The following CCDC146 variants were observed in gnomAD, a reference collection of about 807,000 sequenced individuals.
CCDC146 encodes the protein coiled-coil domain containing 146, also known as coiled-coil domain-containing protein 146.
A neutral mutation model predicts 119.3 loss-of-function variants in CCDC146; 92 were observed. That is an observed-to-expected ratio of 0.77 (90% confidence interval 0.65 to 0.92). The LOEUF (loss-of-function observed/expected upper bound fraction) is 0.92, where lower values mean the gene tolerates loss of function less well. CCDC146 is among the 40% of genes least tolerant of loss of function. The pLI is 0.00. For synonymous variants in CCDC146, 372 were observed against 371.8 expected (o/e 1.00, Z -0.01); for missense variants, 1,000 against 1,103.0 (o/e 0.91, Z 1.32).
chr7:77,237,998 CT>C (rs1426913136), intron 3 of CCDC146, among the ~76,000 whole-genome samples: 2 of 152,212 alleles, frequency 1.3e-5, no homozygotes, highest in Non-Finnish European at 2.9e-5. Flanking sequence ...TTCCCAATCA[CT>C]TCCCCTCCTT....
At chr7:77,163,860 CTTT>C (rs530810388) in intron 1 of CCDC146, among the ~76,000 whole-genome samples, 7 of 110,028 alleles carry the variant, frequency 6.4e-5, no homozygotes, top group African/African-American at 1.1e-4. Context: ...TCTTTTTTTT[CTTT>C]TTTTTTTTTT....
intron 11 of CCDC146, among the ~76,000 whole-genome samples, chr7:77,278,435 A>ATTTTTTTTTTTTTTTTTTTTTTTT (rs140968354): frequency 9.7e-6 from 1 of 103,342 alleles, no homozygotes; most frequent in Non-Finnish European, 1.8e-5. Flanking sequence ...CCAAGAAATA[A>ATTTTTTTTTTTTTTTTTTTTTTTT]TTTTTTTTTT....
intron 2 of CCDC146, among the ~76,000 whole-genome samples, chr7:77,203,107 A>C (rs1008319630): frequency 1.4e-5 from 2 of 140,558 alleles, no homozygotes; most frequent in African/African-American, 5.1e-5. Flanking sequence ...TTTAGGTGAG[A>C]GCTAGTAGTG....
intron 7 of CCDC146, chr7:77,259,422 A>C (rs185564363): frequency 3.5e-4 from 66 of 188,914 alleles, no homozygotes; most frequent in African/African-American, 1.4e-3. Flanking sequence ...AGCAGCCCAA[A>C]GCCCAAATAA....
intron 1 of CCDC146, among the ~76,000 whole-genome samples, chr7:77,166,330 T>C (rs989408219): frequency 6.6e-6 from 1 of 152,188 alleles, no homozygotes; most frequent in African/African-American, 2.4e-5. Flanking sequence ...ATCAGAAATT[T>C]ATCTAAATGT....
At chr7:77,210,158 T>C (rs528139466) in intron 2 of CCDC146, among the ~76,000 whole-genome samples, 1 of 152,358 alleles carries the variant, frequency 6.6e-6, no homozygotes, top group South Asian at 2.1e-4. Flanking sequence ...ACCTTTATGC[T>C]CTTCTTCCCT....
intron 2 of CCDC146, chr7:77,199,682 C>T (rs1163082321): frequency 1.2e-6 from 2 of 1,614,090 alleles, no homozygotes; most frequent in East Asian, 2.2e-5. Context: ...ACTGGGCAGA[C>T]ATCCTTTGCT....
intron 2 of CCDC146, among the ~76,000 whole-genome samples, chr7:77,214,952 A>T (rs3095473): frequency 8.4e-4 from 128 of 151,952 alleles, no homozygotes; most frequent in African/African-American, 3.0e-3. Flanking sequence ...TATTAATAAT[A>T]CTTGCCTGGG....
chr7:77,239,180 C>T (rs1792797203), intron 3 of CCDC146, among the ~76,000 whole-genome samples: 3 of 152,178 alleles, frequency 2.0e-5, no homozygotes, highest in Non-Finnish European at 4.4e-5. Context: ...CTGGCTGGAA[C>T]CCTACCACCC....
Position 77,294,770 on chromosome 7 carries a change from A to G in CCDC146, c.2772A>G (p.Pro924=). 6.2e-7 allele frequency: 1 copy of G among 1,614,196 alleles called. No homozygotes were observed. The highest frequency in any genetic ancestry group is 1.7e-4 in the Middle Eastern group (1 of 6,060). ...AAGCAGATGCCACTCTTCCTTTGCC[A>G]AAACCTTATGGTGCTTTGGCTCCTT... ...IPEADATLPL[P]KPYGALAPFK... Residue 924 remains proline, a synonymous_variant, in exon 19 of 19, where the codon CCA becomes CCG. Coordinates refer to ENST00000285871, the MANE Select transcript of CCDC146 (RefSeq NM_020879.3).
rs554242853 is a variant in CCDC146 at position 77,202,199 on chromosome 7, T to C, written c.156+34375T>C. Among the ~76,000 whole-genome samples the C allele has an allele frequency of 1.4e-4, 21 of 152,352 alleles. No homozygotes were observed. In the South Asian group the frequency reaches 4.1e-3, roughly 30 times the overall value. On this transcript the variant is annotated intron_variant, in intron 2 of 18. Coordinates refer to ENST00000285871, the MANE Select transcript of CCDC146 (RefSeq NM_020879.3). ...GCACCCTCTGCATGCAAAACCGCTA[T>C]TCTAGGCACTTGGGCCACACTGGTG... is the stretch of plus-strand genomic sequence containing the variant.
chr7:77,263,782 G>A (rs547025120), intron 9 of CCDC146, among the ~76,000 whole-genome samples: 11 of 152,188 alleles, frequency 7.2e-5, no homozygotes, highest in African/African-American at 2.6e-4. Context: ...AAATTGGTCG[G>A]GTGTGCTGGT....
At chr7:77,223,289 T>A (rs1792440841) in intron 2 of CCDC146, among the ~76,000 whole-genome samples, 1 of 152,236 alleles carries the variant, frequency 6.6e-6, no homozygotes, top group Admixed American at 6.5e-5. Flanking sequence ...TGTTTAGGCA[T>A]GATTTTTATT....
chr7:77,263,179 A>G (rs755979665), intron 9 of CCDC146, among the ~76,000 whole-genome samples: 19 of 152,208 alleles, frequency 1.2e-4, no homozygotes, highest in Non-Finnish European at 2.2e-4. Flanking sequence ...GCACATAGAA[A>G]GTTTATACTT....
chr7:77,199,900 C>A, intron 2 of CCDC146: 3 of 1,354,140 alleles, frequency 2.2e-6, no homozygotes, highest in East Asian at 2.3e-5. Flanking sequence ...AGGGTGGGAG[C>A]GTTTGCATCA....
At chr7:77,190,061 A>G (rs1791736013) in intron 2 of CCDC146, among the ~76,000 whole-genome samples, 1 of 152,198 alleles carries the variant, frequency 6.6e-6, no homozygotes, top group Non-Finnish European at 1.5e-5. Flanking sequence ...CCAGCCTCCT[A>G]GAAGACTGAC....
intron 1 of CCDC146, among the ~76,000 whole-genome samples, chr7:77,167,164 T>C (rs1791349210): frequency 6.6e-6 from 1 of 152,164 alleles, no homozygotes; most frequent in South Asian, 2.1e-4. Flanking sequence ...ATAGTTTCTG[T>C]TCTAAGAAGT....
At chr7:77,148,783 A>G (rs572517920) in intron 1 of CCDC146, among the ~76,000 whole-genome samples, 1,632 of 152,144 alleles carry the variant, frequency 0.011, 22 homozygotes, top group African/African-American at 0.037. Context: ...GGATGTGAAG[A>G]ACCTCTTCAT....
At chr7:77,123,707 A>T (rs1439619655) in intron 1 of CCDC146, among the ~76,000 whole-genome samples, 1 of 152,184 alleles carries the variant, frequency 6.6e-6, no homozygotes, top group African/African-American at 2.4e-5. Flanking sequence ...CGTGATAGAT[A>T]GACTGGGCTA....
Sources: allele counts gnomAD v4.1 joint callset (sites outside exome capture counted in the v4.1 genomes callset), GRCh38; gene constraint gnomAD v4.1.1; transcripts MANE v1.5; gene names NCBI Gene and HGNC (gene_info 2026-07-23, HGNC 2026-07-21).